Variants in BLMH observed in about 807,000 individuals in gnomAD.
BLMH encodes bleomycin hydrolase.
Under a neutral mutation model 61.6 loss-of-function variants are expected in BLMH, and 32 were observed. The observed-to-expected ratio is 0.52, with a 90% CI of 0.39 to 0.70. The LOEUF (loss-of-function observed/expected upper bound fraction) is 0.70. Ranked by LOEUF, BLMH falls within the 30% of genes least tolerant of loss-of-function variation. The probability of loss-of-function intolerance (pLI) is 0.00; values close to 1 mark genes in which losing one functional copy is unlikely to be tolerated. For missense variants in BLMH, 460 were observed against 555.5 expected, an observed-to-expected ratio of 0.83 and a Z score of 1.73; for synonymous variants, 183 against 193.8, an observed-to-expected ratio of 0.94 and a Z score of 0.46.
At chr17:30,264,752 A>G (rs1215613324) in intron 11 of BLMH, among the ~76,000 whole-genome samples, 26 of 152,246 alleles carry the variant, frequency 1.7e-4, no homozygotes, top group Non-Finnish European at 1.5e-5. Context: ...ATTAGACCAG[A>G]AATGAAACAG....
intron 11 of BLMH, among the ~76,000 whole-genome samples, chr17:30,258,909 G>A (rs542285705): frequency 6.6e-6 from 1 of 152,178 alleles, no homozygotes; most frequent in Admixed American, 6.5e-5. Flanking sequence ...TCACTCCTCT[G>A]ACCTGTTCAA....
At chr17:30,254,679 T>TTTTTAA (rs1285638477) in intron 11 of BLMH, among the ~76,000 whole-genome samples, 1 of 152,214 alleles carries the variant, frequency 6.6e-6, no homozygotes, top group Non-Finnish European at 1.5e-5. Flanking sequence ...AATGTTACAC[T>TTTTTAA]GCTTTTTAAC....
chr17:30,281,914 T>C (rs1373190892), intron 6 of BLMH, among the ~76,000 whole-genome samples: 1 of 152,246 alleles, frequency 6.6e-6, no homozygotes, highest in Non-Finnish European at 1.5e-5. Flanking sequence ...GAAACTGACT[T>C]TGTGAGTCTG....
chr17:30,274,839 C>G (rs1016535179), intron 6 of BLMH, among the ~76,000 whole-genome samples: 1 of 151,850 alleles, frequency 6.6e-6, no homozygotes, highest in Admixed American at 6.6e-5. Flanking sequence ...ATTAGCTGGA[C>G]GTGGTGGCTC....
rs370640347 is a variant in BLMH at position 30,274,204 on chromosome 17, G to T, written c.646-7C>A. 47 of 1,612,748 alleles carry T rather than the reference G, an allele frequency of 2.9e-5. No homozygotes were observed. Among genetic ancestry groups the T allele is most frequent in the Non-Finnish European group, 3.9e-5 (46 of 1,179,614 alleles). ...TGCACACCACTCGGAATATCTGGAA[G>T]AGAGGAGGAGGAAAGGCGAGCAATG... On this transcript the variant is annotated splice_region_variant and splice_polypyrimidine_tract_variant and intron_variant, in intron 6 of 11. Transcript: ENST00000261714.
At chr17:30,269,602 T>C (rs1480950023) in intron 10 of BLMH, among the ~76,000 whole-genome samples, 1 of 152,208 alleles carries the variant, frequency 6.6e-6, no homozygotes, top group Non-Finnish European at 1.5e-5. Context: ...TTTCTTGATC[T>C]ACATAAGTAA....
intron 11 of BLMH, among the ~76,000 whole-genome samples, chr17:30,253,733 T>A (rs1907736762): frequency 6.6e-6 from 1 of 152,034 alleles, no homozygotes; most frequent in Admixed American, 6.5e-5. Flanking sequence ...TTACACTGAG[T>A]GAAACACAGA....
intron 6 of BLMH, among the ~76,000 whole-genome samples, chr17:30,274,553 A>G (rs572561098): frequency 9.2e-5 from 14 of 152,324 alleles, no homozygotes; most frequent in Non-Finnish European, 1.6e-4. Flanking sequence ...GTAACCAAAA[A>G]ATGACAAATT....
At chr17:30,281,191 G>A (rs1488432898) in intron 6 of BLMH, among the ~76,000 whole-genome samples, 1 of 150,644 alleles carries the variant, frequency 6.6e-6, no homozygotes, top group Non-Finnish European at 1.5e-5. Context: ...GACATAAAAA[G>A]GTACACTCTA....
chr17:30,287,654 G>A, intron 4 of BLMH, 152 bp downstream of exon 4: 1 of 820,596 alleles, frequency 1.2e-6, no homozygotes, highest in Non-Finnish European at 1.8e-6. Context: ...TTATAGGTGA[G>A]AATGTGAACT....
In BLMH at chr17:30,274,089, C is replaced by G. The variant is rs764993456; in HGVS notation, c.754G>C (p.Glu252Gln). The G allele has an allele frequency of 6.2e-7, 1 of 1,614,080 alleles. No homozygotes were observed. The highest frequency in any genetic ancestry group is 1.1e-5 in the South Asian group (1 of 91,066). ...YQKIGPITPL[E>Q]FYREHVKPLF... ...GGCTTGACATGTTCCCTGTAAAACTCCAAGGGTGTTATGGGGCCAATTTTC... is the reference window on the plus strand; with the variant it reads ...GGCTTGACATGTTCCCTGTAAAACTGCAAGGGTGTTATGGGGCCAATTTTC... Residue 252 changes from glutamate (E) to glutamine (Q), a missense_variant, in exon 7 of 12, where the codon GAG becomes CAG. Glu to Gln is a conservative substitution (Grantham distance 29). This residue lies in a region of BLMH where 310 missense variants were observed against 371.1 expected (regional missense o/e 0.84). Coordinates refer to ENST00000261714, the MANE Select transcript of BLMH (RefSeq NM_000386.4).
chr17:30,252,814 G>A (rs1297141474), intron 11 of BLMH, among the ~76,000 whole-genome samples: 1 of 152,120 alleles, frequency 6.6e-6, no homozygotes, highest in Non-Finnish European at 1.5e-5. Context: ...GGCCCACTCT[G>A]TAGCTACTTC....
At chr17:30,271,540 C>T (rs1597662350) in intron 9 of BLMH, 152 bp from the exon 10 acceptor site, 1 of 598,216 alleles carries the variant, frequency 1.7e-6, no homozygotes, top group East Asian at 2.8e-5. Flanking sequence ...GAATATGGAA[C>T]ATGCAGAACT....
At chr17:30,290,278 T>C (rs535175809) in intron 2 of BLMH, among the ~76,000 whole-genome samples, 1 of 152,362 alleles carries the variant, frequency 6.6e-6, no homozygotes, top group East Asian at 1.9e-4. Flanking sequence ...GGATCTTTTG[T>C]ATGTAAAAGT....
At chr17:30,250,310 TC>T (rs774019590) in intron 11 of BLMH, 7 of 151,730 alleles carry the variant, frequency 4.6e-5, no homozygotes, top group Non-Finnish European at 1.0e-4. Flanking sequence ...TGGGAGAAAA[TC>T]TTCGCAAACT....
intron 11 of BLMH, among the ~76,000 whole-genome samples, chr17:30,263,637 C>T (rs992680614): frequency 6.6e-6 from 1 of 152,204 alleles, no homozygotes; most frequent in Middle Eastern, 3.2e-3. Flanking sequence ...TTTATGTCCT[C>T]CTGCTCAGAA....
At chr17:30,260,592 T>C (rs1907930772) in intron 11 of BLMH, among the ~76,000 whole-genome samples, 2 of 152,118 alleles carry the variant, frequency 1.3e-5, no homozygotes, top group African/African-American at 2.4e-5. Context: ...AAAGCCCTTC[T>C]GAGAGGGCCG....
rs537143990 is a variant in BLMH at position 30,262,060 on chromosome 17, T to C, written c.1216+4825A>G. Among the ~76,000 whole-genome samples, 5 of 152,370 alleles carry C rather than the reference T, an allele frequency of 3.3e-5. No homozygotes were observed. In the South Asian group the frequency reaches 1.0e-3, roughly 32 times the overall value. On this transcript the variant is annotated intron_variant, in intron 11 of 11. Coordinates refer to ENST00000261714, the MANE Select transcript of BLMH (RefSeq NM_000386.4). Reference sequence around the variant, plus strand: ...AATGTGAAAAATGGAAAACTCATCTTGGTTCAAAATGAAAACCAGGAGAGA... The same window carrying C: ...AATGTGAAAAATGGAAAACTCATCTCGGTTCAAAATGAAAACCAGGAGAGA...
At chr17:30,251,161 A>G (rs1448483185) in intron 11 of BLMH, among the ~76,000 whole-genome samples, 1 of 152,198 alleles carries the variant, frequency 6.6e-6, no homozygotes, top group Non-Finnish European at 1.5e-5. Flanking sequence ...TGGGTGCACC[A>G]AAGTCCCAGA....
Sources: gnomAD v4.1 joint callset for allele counts (sites outside exome capture counted in the v4.1 genomes callset) on GRCh38, gnomAD v4.1.1 for gene constraint, gnomAD v4.1.1 regional missense constraint, MANE v1.5 for transcripts, NCBI Gene and HGNC (gene_info 2026-07-23, HGNC 2026-07-21) for gene names.